DIP2C: variants seen among roughly 807,000 people sequenced by gnomAD.
DIP2C encodes the protein disco-interacting protein 2 homolog C.
A neutral mutation model predicts 192.4 loss-of-function variants in DIP2C; 33 were observed. The ratio of observed to expected loss-of-function variants is 0.17; its 90% confidence interval spans 0.13 to 0.23. DIP2C has a LOEUF of 0.23. Ranked by LOEUF, DIP2C falls within the 10% of genes least tolerant of loss-of-function variation. The pLI, the probability that DIP2C is intolerant of heterozygous loss-of-function variation, is 1.00. For missense variants in DIP2C, 1,537 were observed against 2,110.1 expected, an observed-to-expected ratio of 0.73 and a Z score of 5.32; for synonymous variants, 979 against 864.1, an observed-to-expected ratio of 1.13 and a Z score of -2.33.
chr10:422,875 C>T lies in DIP2C; in HGVS notation c.553G>A (p.Gly185Ser). ...TTSSSSTQSG[G>S]SGAAHRLADV... ...GCCAGCCTGTGGGCAGCCCCGCTGC[C>T]CCCGCTCTGCGTAGAGGACGAGGAG... The change falls in exon 5 of 37, where the codon GGC becomes AGC. Residue 185 changes from glycine (G) to serine (S), a missense_variant. By Grantham distance (56) the Gly-to-Ser change is moderately conservative. This residue lies in a region of DIP2C where 473 missense variants were observed against 539.6 expected (regional missense o/e 0.88). Transcript: ENST00000280886. The T allele has an allele frequency of 6.2e-7, 1 of 1,613,436 alleles. No homozygotes were observed. The highest frequency in any genetic ancestry group is 8.5e-7 in the Non-Finnish European group (1 of 1,180,008).
intron 32 of DIP2C, among the ~76,000 whole-genome samples, chr10:293,387 G>A (rs1955587931): frequency 6.6e-6 from 1 of 152,200 alleles, no homozygotes; most frequent in Non-Finnish European, 1.5e-5. Context: ...GTGTGAGGAT[G>A]GCATTTATGA....
chr10:548,214 C>T (rs998725314), intron 1 of DIP2C, among the ~76,000 whole-genome samples: 1 of 122,970 alleles, frequency 8.1e-6, no homozygotes, highest in Admixed American at 7.8e-5. Context: ...CCCCACCCCC[C>T]CCCCCACAGG....
intron 1 of DIP2C, among the ~76,000 whole-genome samples, chr10:515,302 G>T (rs191307306): frequency 6.6e-6 from 1 of 152,312 alleles, no homozygotes; most frequent in Admixed American, 6.5e-5. Flanking sequence ...GAGGTAGATT[G>T]TGGCCTATAT....
chr10:304,555 GCACA>G (rs56181109), intron 32 of DIP2C, among the ~76,000 whole-genome samples: 5,268 of 150,594 alleles, frequency 0.035, 243 homozygotes, highest in African/African-American at 0.11. Context: ...GCACACGAAT[GCACA>G]CACACACACA....
intron 1 of DIP2C, among the ~76,000 whole-genome samples, chr10:671,319 A>AATGCCACAG: frequency 6.6e-6 from 1 of 151,972 alleles, no homozygotes; most frequent in Non-Finnish European, 1.5e-5. Context: ...AGACGGAGGA[A>AATGCCACAG]ACGCCACAGA....
chr10:512,613 A>C (rs1207154627), intron 1 of DIP2C, among the ~76,000 whole-genome samples: 1 of 151,998 alleles, frequency 6.6e-6, no homozygotes, highest in African/African-American at 2.4e-5. Context: ...ACAACTGTAT[A>C]CATCATTATA....
chr10:525,343 A>C (rs1473813797), intron 1 of DIP2C, among the ~76,000 whole-genome samples: 1 of 152,206 alleles, frequency 6.6e-6, no homozygotes, highest in African/African-American at 2.4e-5. Flanking sequence ...AGCTTTTATG[A>C]ACACACATGA....
At position 527,088 on chromosome 10, in the gene DIP2C, A is replaced by AC. The variant is rs145576113; in HGVS notation, c.86-40559dup. ...TGAGGCTGTCTGGCTCCTCACCTCT[A>AC]CCCAGCCTCCACCCATCGCATCTGG... On this transcript the variant is annotated intron_variant, in intron 1 of 36. Coordinates refer to ENST00000280886, the MANE Select transcript of DIP2C (RefSeq NM_014974.3). Among the ~76,000 whole-genome samples the AC allele has an allele frequency of 8.6e-3, 1,315 of 152,144 alleles. 18 individuals are homozygous for AC. Among genetic ancestry groups the AC allele is most frequent in the African/African-American group, 0.03 (1,252 of 41,488 alleles).
At chr10:283,216 G>T (rs1954928405) in intron 35 of DIP2C, 56 bp downstream of exon 35, 1 of 1,574,718 alleles carries the variant, frequency 6.4e-7, no homozygotes, top group Non-Finnish European at 8.6e-7. Flanking sequence ...TGTATCTACA[G>T]GAGCCTAACC....
At chr10:557,668 ATGTGGGGGTGGG>A (rs1271264918) in intron 1 of DIP2C, among the ~76,000 whole-genome samples, 1 of 52,338 alleles carries the variant, frequency 1.9e-5, no homozygotes, top group African/African-American at 1.0e-4. Context: ...GCACATACAC[ATGTGGGGGTGGG>A]GGTGGGGGTG....
intron 1 of DIP2C, among the ~76,000 whole-genome samples, chr10:688,928 G>C (rs567691469): frequency 1.7e-4 from 26 of 152,086 alleles, no homozygotes; most frequent in Middle Eastern, 3.4e-3. Context: ...ACCGCTGCAC[G>C]GCCTGAGCCA....
At chr10:356,581 G>A (rs892112804) in intron 23 of DIP2C, 75 bp from the exon 24 acceptor site, 3 of 1,284,464 alleles carry the variant, frequency 2.3e-6, no homozygotes, top group African/African-American at 3.0e-5. Context: ...GGGGCAACCT[G>A]GATACTCAAA....
intron 5 of DIP2C, among the ~76,000 whole-genome samples, chr10:421,148 T>C (rs545230146): frequency 9.2e-5 from 14 of 152,326 alleles, no homozygotes; most frequent in African/African-American, 3.4e-4. Context: ...CTAGGAAGAT[T>C]ATCTTTGTGC....
At chr10:616,550 G>A (rs1194380274) in intron 1 of DIP2C, among the ~76,000 whole-genome samples, 1 of 152,168 alleles carries the variant, frequency 6.6e-6, no homozygotes, top group Non-Finnish European at 1.5e-5. Flanking sequence ...CCCCAGACCA[G>A]GAATCAAGTC....
chr10:452,657 T>C (rs1589828545), intron 3 of DIP2C, among the ~76,000 whole-genome samples: 1 of 152,334 alleles, frequency 6.6e-6, no homozygotes, highest in East Asian at 1.9e-4. Context: ...CAAGCCACGA[T>C]GGCCCCCTGG....
intron 32 of DIP2C, among the ~76,000 whole-genome samples, chr10:299,644 A>G (rs999211065): frequency 2.6e-5 from 4 of 152,224 alleles, no homozygotes; most frequent in African/African-American, 9.6e-5. Context: ...ACTGGACATC[A>G]AAATTAAAAG....
intron 3 of DIP2C, among the ~76,000 whole-genome samples, chr10:452,540 A>C (rs1447506341): frequency 2.6e-5 from 4 of 152,312 alleles, no homozygotes; most frequent in Admixed American, 2.6e-4. Flanking sequence ...AAAATATCCA[A>C]GCCAGAAAGG....
At chr10:567,217 A>G (rs1157888595) in intron 1 of DIP2C, among the ~76,000 whole-genome samples, 2 of 152,088 alleles carry the variant, frequency 1.3e-5, no homozygotes, top group Admixed American at 6.5e-5. Flanking sequence ...AAGACACAAT[A>G]TCACTCTGTC....
chr10:416,788 G>A (rs1401673766), intron 6 of DIP2C, among the ~76,000 whole-genome samples: 2 of 152,156 alleles, frequency 1.3e-5, no homozygotes. Flanking sequence ...GGCACACGCT[G>A]CAGGCCGGCA....
Sources: gnomAD v4.1 joint callset for allele counts (sites outside exome capture counted in the v4.1 genomes callset) on GRCh38, gnomAD v4.1.1 for gene constraint, gnomAD v4.1.1 regional missense constraint, MANE v1.5 for transcripts, NCBI Gene and HGNC (gene_info 2026-07-23, HGNC 2026-07-21) for gene names.